The following ICE2 variants were observed in gnomAD, a reference collection of about 807,000 sequenced individuals.
The protein encoded by ICE2 is little elongation complex subunit 2.
In ICE2, 87 loss-of-function variants were observed where a neutral mutation model predicts 105.4. The observed-to-expected ratio is 0.83, with a 90% CI of 0.69 to 0.99. The LOEUF is 0.99. ICE2 is among the 50% of genes least tolerant of loss of function. The probability of loss-of-function intolerance (pLI) is 0.00; values close to 1 mark genes in which losing one functional copy is unlikely to be tolerated. For synonymous variants in ICE2, 399 were observed against 392.0 expected, an observed-to-expected ratio of 1.02 and a Z score of -0.21; for missense variants, 1,323 against 1,146.7, an observed-to-expected ratio of 1.15 and a Z score of -2.22.
chr15:60,463,938 G>A (rs541142890), intron 5 of ICE2, among the ~76,000 whole-genome samples: 3 of 152,156 alleles, frequency 2.0e-5, no homozygotes, highest in Non-Finnish European at 4.4e-5. Context: ...ACTACACAGG[G>A]GGCTTCTGAA....
At position 60,479,015 on chromosome 15, in the gene ICE2, G is replaced by C. The variant is rs768096362; in HGVS notation, c.-105C>G. Reference sequence around the variant, plus strand: ...CCTTTCCGCCCACCTCATGGTCCGCGGCGGCTCTTGCCCAGGCCGCAGCCA... The same window carrying C: ...CCTTTCCGCCCACCTCATGGTCCGCCGCGGCTCTTGCCCAGGCCGCAGCCA... On this transcript the variant is annotated 5_prime_UTR_variant, in exon 1 of 16. Transcript: ENST00000261520. 2.2e-6 allele frequency: 1 copy of C among 455,802 alleles called. No homozygotes were observed. Among genetic ancestry groups the C allele is most frequent in the Non-Finnish European group, 4.4e-6 (1 of 226,740 alleles). The allele number at this position is 455,802 out of a possible 1,614,324, so 28.2% of individuals were successfully genotyped here.
chr15:60,436,231 A>C lies in ICE2; in HGVS notation c.2426-4T>G, dbSNP rs748984420. 8.1e-7 allele frequency: 1 copy of C among 1,231,870 alleles called. No individual in the cohort carries two copies. The highest frequency in any genetic ancestry group is 2.7e-5 in the Admixed American group (1 of 37,188). The allele number at this position is 1,231,870 out of a possible 1,614,324, so 76.3% of individuals were successfully genotyped here. A position where few individuals can be genotyped will look rare whatever the true frequency, so the allele number is the denominator to read the frequency against. On this transcript the variant is annotated splice_region_variant and splice_polypyrimidine_tract_variant and intron_variant, in intron 12 of 15. Coordinates refer to ENST00000261520, the MANE Select transcript of ICE2 (RefSeq NM_024611.6). ...GAAGTAAATGCATCGATATGCCCTA[A>C]AATAAAATATCAAACTTAGAAAGAA...
intron 3 of ICE2, among the ~76,000 whole-genome samples, chr15:60,468,896 C>T (rs752342408): frequency 3.9e-5 from 6 of 152,170 alleles, no homozygotes; most frequent in Admixed American, 6.5e-5. Context: ...TCCTCTATCA[C>T]TCTGGTACAT....
chr15:60,443,829 C>T (rs192229312), intron 11 of ICE2, among the ~76,000 whole-genome samples: 2 of 152,086 alleles, frequency 1.3e-5, no homozygotes, highest in Non-Finnish European at 2.9e-5. Context: ...TGCAGTGGCT[C>T]ATGCCTATAA....
Position 60,441,049 on chromosome 15 carries a change from T to A in ICE2, c.2425+1367A>T, listed in dbSNP as rs1370126961. ...TTTTTTTTTTGTCATGAATCTCCAT[T>A]CTCTGTCAGTACTTTAAACAAAATT... is the stretch of plus-strand genomic sequence containing the variant. On this transcript the variant is annotated intron_variant, in intron 12 of 15. Transcript: ENST00000261520. 3 of 152,160 alleles carry A rather than the reference T, an allele frequency of 2.0e-5. No homozygotes were observed. In the East Asian group the frequency reaches 5.8e-4, roughly 29 times the overall value. The allele number at this position is 152,160 out of a possible 1,614,324, so 9.4% of individuals were successfully genotyped here.
chr15:60,428,968 G>A (rs1007594680), intron 14 of ICE2, among the ~76,000 whole-genome samples: 1 of 152,132 alleles, frequency 6.6e-6, no homozygotes, highest in Admixed American at 6.5e-5. Context: ...AACAAACAGT[G>A]TGCCTAATTC....
In ICE2 at chr15:60,420,943, A is replaced by C. The variant is rs1248713929; in HGVS notation, c.*2691T>G. The C allele has an allele frequency of 6.7e-6, 1 of 150,154 alleles. No individual in the cohort carries two copies. The highest frequency in any genetic ancestry group is 2.4e-5 in the African/African-American group (1 of 41,238). 9.3% of individuals were successfully genotyped at this position (150,154 alleles called of 1,614,324 possible). A position where few individuals can be genotyped will look rare whatever the true frequency, so the allele number is the denominator to read the frequency against. On this transcript the variant is annotated 3_prime_UTR_variant, in exon 16 of 16. Transcript: ENST00000261520. ...AGGTGTTTATTACTTAATGGTGAACAAAACAAATATGCCCCTGTCCTTGCA... is the reference window on the plus strand; with the variant it reads ...AGGTGTTTATTACTTAATGGTGAACCAAACAAATATGCCCCTGTCCTTGCA...
chr15:60,469,458 A>G (rs1336070550), intron 3 of ICE2, among the ~76,000 whole-genome samples: 1 of 152,148 alleles, frequency 6.6e-6, no homozygotes, highest in Admixed American at 6.5e-5. Flanking sequence ...AAAAAAAACA[A>G]AAAACAAAAA....
chr15:60,454,752 T>C (rs1352849113), intron 8 of ICE2: 3 of 343,004 alleles, frequency 8.7e-6, no homozygotes, highest in African/African-American at 2.1e-5. Flanking sequence ...GTTTGTTACA[T>C]AGCTATACAT....
chr15:60,458,840 G>A (rs1180579230), intron 5 of ICE2, among the ~76,000 whole-genome samples: 1 of 152,102 alleles, frequency 6.6e-6, no homozygotes, highest in Non-Finnish European at 1.5e-5. Flanking sequence ...ATTATGCTAA[G>A]TGAAATAAGC....
intron 14 of ICE2, among the ~76,000 whole-genome samples, chr15:60,428,899 A>G (rs2063394754): frequency 6.6e-6 from 1 of 152,264 alleles, no homozygotes; most frequent in Admixed American, 6.5e-5. Flanking sequence ...CAAAGTTCAG[A>G]ATAGTTGATC....
intron 14 of ICE2, among the ~76,000 whole-genome samples, chr15:60,430,648 C>A (rs997305539): frequency 3.9e-5 from 6 of 152,132 alleles, no homozygotes; most frequent in African/African-American, 1.2e-4. Flanking sequence ...TTGCACTTGA[C>A]ACCATCATTT....
At chr15:60,477,221 ATTC>A (rs906961443) in intron 2 of ICE2, among the ~76,000 whole-genome samples, 1 of 152,208 alleles carries the variant, frequency 6.6e-6, no homozygotes, top group African/African-American at 2.4e-5. Flanking sequence ...ATCTCAATAA[ATTC>A]TTAAGTTTCT....
intron 3 of ICE2, among the ~76,000 whole-genome samples, chr15:60,474,129 C>T (rs1337100715): frequency 1.3e-5 from 2 of 152,030 alleles, no homozygotes; most frequent in Non-Finnish European, 2.9e-5. Flanking sequence ...AGACTCAGGC[C>T]TCAAGTCATC....
At chr15:60,433,087 G>GTTTTT (rs771963122) in intron 13 of ICE2, among the ~76,000 whole-genome samples, 1 of 144,534 alleles carries the variant, frequency 6.9e-6, no homozygotes, top group African/African-American at 2.5e-5. Flanking sequence ...TAAAACACAG[G>GTTTTT]TTTTTTTTTT....
intron 11 of ICE2, among the ~76,000 whole-genome samples, chr15:60,446,370 T>C (rs1165526380): frequency 6.6e-6 from 1 of 152,162 alleles, no homozygotes; most frequent in East Asian, 1.9e-4. Context: ...ATGCCGCTGT[T>C]ATTAGCAATG....
In ICE2 at chr15:60,456,670, G is replaced by T; in HGVS notation, c.653C>A (p.Thr218Asn). The T allele has an allele frequency of 6.3e-7, 1 of 1,584,726 alleles. No individual in the cohort carries two copies. The highest frequency in any genetic ancestry group is 8.6e-7 in the Non-Finnish European group (1 of 1,168,262). ...AATAAACCTTACCAATGCGAGAAGA[G>T]TTTTTTCTAACTTTAATCCCATCTC... ...RVEMGLKLEKTLLALGSVKYV... is the reference protein window; with the variant it reads ...RVEMGLKLEKNLLALGSVKYV... Residue 218 changes from threonine (T) to asparagine (N), a missense_variant, in exon 6 of 16, where the codon ACT (threonine) becomes AAT (asparagine). Transcript: ENST00000261520.
intron 9 of ICE2, chr15:60,451,736 T>G: frequency 2.3e-6 from 1 of 436,644 alleles, no homozygotes; most frequent in Non-Finnish European, 3.0e-6. Context: ...TGCAGCCCCT[T>G]TGGGGTCCAG....
At chr15:60,459,041 C>T (rs577628605) in intron 5 of ICE2, among the ~76,000 whole-genome samples, 2 of 152,090 alleles carry the variant, frequency 1.3e-5, no homozygotes, top group African/African-American at 4.8e-5. Context: ...GGTGGTGATA[C>T]CTGCATAACA....
Sources: gnomAD v4.1 joint callset for allele counts (sites outside exome capture counted in the v4.1 genomes callset) on GRCh38, gnomAD v4.1.1 for gene constraint, MANE v1.5 for transcripts, NCBI Gene and HGNC (gene_info 2026-07-23, HGNC 2026-07-21) for gene names.